STK38: variants seen among roughly 807,000 people sequenced by gnomAD.
The protein encoded by STK38 is serine/threonine kinase 38.
In STK38, 26 loss-of-function variants were observed where a neutral mutation model predicts 59.0. The ratio of observed to expected loss-of-function variants is 0.44; its 90% CI spans 0.32 to 0.61. The LOEUF is 0.61. STK38 is among the 20% of genes least tolerant of loss of function. The pLI is 0.04. For synonymous variants in STK38, 175 were observed against 176.6 expected, an observed-to-expected ratio of 0.99 and a Z score of 0.07; for missense variants, 433 against 566.0, an observed-to-expected ratio of 0.76 and a Z score of 2.38.
chr6:36,538,542 TTAATGTTA>T (rs1170526540), intron 2 of STK38, among the ~76,000 whole-genome samples: 1 of 152,128 alleles, frequency 6.6e-6, no homozygotes, highest in Non-Finnish European at 1.5e-5. Flanking sequence ...TGAATTCTAG[TTAATGTTA>T]TATAAGCAGA....
rs769683458 is a variant in STK38 at position 36,530,832 on chromosome 6, G to A, written c.132-5190C>T. Among the ~76,000 whole-genome samples, 5 of 151,754 alleles carry A rather than the reference G, an allele frequency of 3.3e-5. No individual in the cohort carries two copies. In the East Asian group the frequency reaches 5.8e-4, roughly 18 times the overall value. On this transcript the variant is annotated intron_variant, in intron 2 of 13. Coordinates refer to ENST00000229812, the MANE Select transcript of STK38 (RefSeq NM_007271.4). ...AACCTCCCGAGTAGCTGGGATTACC[G>A]GCATATGCCACCATGTGTGGCTAAT...
Position 36,493,954 on chromosome 6 carries a change from A to C in STK38, c.*1830T>G, listed in dbSNP as rs1384670181. On this transcript the variant is annotated 3_prime_UTR_variant, in exon 14 of 14. Transcript: ENST00000229812. ...AATGTGGGCATTTTCCCCTGAAACAAATCATCCCCTGCCACTCCCCAACAC... is the reference window on the plus strand; with the variant it reads ...AATGTGGGCATTTTCCCCTGAAACACATCATCCCCTGCCACTCCCCAACAC... The C allele has an allele frequency of 2.0e-5, 3 of 152,220 alleles. No individual in the cohort carries two copies. Among genetic ancestry groups the C allele is most frequent in the Non-Finnish European group, 4.4e-5 (3 of 68,038 alleles). 9.4% of individuals were successfully genotyped at this position (152,220 alleles called of 1,614,324 possible). A position where few individuals can be genotyped will look rare whatever the true frequency, so the allele number is the denominator to read the frequency against.
At chr6:36,499,810 G>T in intron 10 of STK38, 63 bp downstream of exon 10, 1 of 1,255,226 alleles carries the variant, frequency 8.0e-7, no homozygotes, top group Non-Finnish European at 1.2e-6. Context: ...AACAGAGGCT[G>T]GTATCAATGT....
chr6:36,514,646 T>G (rs1422456032), intron 7 of STK38, among the ~76,000 whole-genome samples: 1 of 152,080 alleles, frequency 6.6e-6, no homozygotes, highest in Admixed American at 6.6e-5. Flanking sequence ...ACTAGGCAAC[T>G]ACGCTTATCT....
At chr6:36,527,207 AAT>A (rs1554168829) in intron 2 of STK38, among the ~76,000 whole-genome samples, 19 of 119,352 alleles carry the variant, frequency 1.6e-4, no homozygotes, top group Non-Finnish European at 2.4e-4. Context: ...AAAAAAAAAA[AAT>A]ATATGTATAT....
At chr6:36,500,562 C>A (rs1776812703) in intron 9 of STK38, among the ~76,000 whole-genome samples, 1 of 151,738 alleles carries the variant, frequency 6.6e-6, no homozygotes, top group African/African-American at 2.4e-5. Flanking sequence ...GAGATGGAGA[C>A]CATCCTGGCC....
chr6:36,508,845 T>C (rs1304602373), intron 7 of STK38, among the ~76,000 whole-genome samples: 2 of 152,238 alleles, frequency 1.3e-5, no homozygotes, highest in African/African-American at 2.4e-5. Context: ...GGTGCCAGCA[T>C]AGTTGCTGGC....
At chr6:36,516,486 T>C (rs1378303539) in intron 6 of STK38, among the ~76,000 whole-genome samples, 1 of 152,232 alleles carries the variant, frequency 6.6e-6, no homozygotes, top group East Asian at 1.9e-4. Context: ...TTTCATTTCA[T>C]TTAGAACATT....
chr6:36,527,240 A>G (rs1031873468), intron 2 of STK38, among the ~76,000 whole-genome samples: 67 of 145,622 alleles, frequency 4.6e-4, no homozygotes, highest in African/African-American at 1.6e-3. Flanking sequence ...TTATATGTAT[A>G]TACACATGTA....
chr6:36,500,425 C>T (rs1776808635), intron 9 of STK38, among the ~76,000 whole-genome samples: 1 of 151,818 alleles, frequency 6.6e-6, no homozygotes, highest in African/African-American at 2.4e-5. Context: ...AATGGCTTTG[C>T]CTGAGACCGC....
At chr6:36,514,324 AC>A (rs1312060178) in intron 7 of STK38, among the ~76,000 whole-genome samples, 4 of 151,296 alleles carry the variant, frequency 2.6e-5, no homozygotes, top group Non-Finnish European at 5.9e-5. Context: ...AAAAAAAAAA[AC>A]AACTTCAGGT....
intron 2 of STK38, among the ~76,000 whole-genome samples, chr6:36,533,614 T>C (rs956346187): frequency 1.3e-5 from 2 of 152,224 alleles, no homozygotes; most frequent in Admixed American, 1.3e-4. Context: ...CATTTATTAA[T>C]AATGTAAATA....
chr6:36,503,442 G>GTA (rs1225098219), intron 9 of STK38, among the ~76,000 whole-genome samples: 1 of 151,362 alleles, frequency 6.6e-6, no homozygotes. Context: ...GTGTGTGTGT[G>GTA]TGTGTGTTTG....
At chr6:36,515,584 T>A (rs1777231600) in intron 6 of STK38, 92 bp from the exon 7 acceptor site, 8 of 1,579,522 alleles carry the variant, frequency 5.1e-6, no homozygotes, top group African/African-American at 1.4e-5. Flanking sequence ...AATTTTCAGA[T>A]ATGTCTTCCC....
intron 7 of STK38, among the ~76,000 whole-genome samples, chr6:36,510,376 C>G (rs1040596647): frequency 2.0e-5 from 3 of 152,246 alleles, no homozygotes; most frequent in African/African-American, 7.2e-5. Flanking sequence ...CAACTTTGCT[C>G]TGAAATTGGA....
intron 7 of STK38, among the ~76,000 whole-genome samples, chr6:36,509,587 C>T (rs79426252): frequency 0.027 from 3,676 of 135,584 alleles, 157 homozygotes; most frequent in African/African-American, 0.097. Flanking sequence ...AATCGAGGCG[C>T]AGGACTGCTC....
chr6:36,543,088 G>A (rs1463121200), intron 1 of STK38, among the ~76,000 whole-genome samples: 3 of 149,058 alleles, frequency 2.0e-5, no homozygotes, highest in Non-Finnish European at 4.4e-5. Flanking sequence ...TTTTTGAGAC[G>A]AAGTCTCGCT....
chr6:36,522,082 A>G lies in STK38; in HGVS notation c.307-265T>C, dbSNP rs192944365. On this transcript the variant is annotated intron_variant, in intron 4 of 13. Transcript: ENST00000229812. ...GTTGAACAAGCCAATCTAATTTAAAACCTTCAATTTCAAATTTAAGGACTC... is the reference window on the plus strand; with the variant it reads ...GTTGAACAAGCCAATCTAATTTAAAGCCTTCAATTTCAAATTTAAGGACTC... The G allele has an allele frequency of 6.6e-4, 176 of 265,430 alleles. 1 individual carries two copies. The highest frequency in any genetic ancestry group is 3.7e-3 in the African/African-American group (166 of 44,570). The allele number at this position is 265,430 out of a possible 1,614,324, so 16.4% of individuals were successfully genotyped here.
At chr6:36,534,979 A>T (rs1263955985) in intron 2 of STK38, among the ~76,000 whole-genome samples, 1 of 152,216 alleles carries the variant, frequency 6.6e-6, no homozygotes, top group Non-Finnish European at 1.5e-5. Flanking sequence ...ACAGAATACA[A>T]GATCAATATA....
Sources: allele counts gnomAD v4.1 joint callset (sites outside exome capture counted in the v4.1 genomes callset), GRCh38; gene constraint gnomAD v4.1.1; transcripts MANE v1.5; gene names NCBI Gene and HGNC (gene_info 2026-07-23, HGNC 2026-07-21).